STYX: variants seen among roughly 807,000 people sequenced by gnomAD.
STYX encodes the protein serine/threonine/tyrosine-interacting protein.
In STYX, 20 loss-of-function variants were observed where a neutral mutation model predicts 42.7. The ratio of observed to expected loss-of-function variants is 0.47; its 90% CI spans 0.33 to 0.68. STYX has a LOEUF of 0.68. Ranked by LOEUF, STYX falls within the 30% of genes least tolerant of loss-of-function variation. The pLI, the probability that STYX is intolerant of heterozygous loss-of-function variation, is 0.02. For missense variants in STYX, 226 were observed against 268.5 expected, an observed-to-expected ratio of 0.84 and a Z score of 1.11; for synonymous variants, 78 against 81.9, an observed-to-expected ratio of 0.95 and a Z score of 0.26.
At chr14:52,761,909 G>A (rs1240546238) in intron 9 of STYX, among the ~76,000 whole-genome samples, 1 of 151,456 alleles carries the variant, frequency 6.6e-6, no homozygotes, top group African/African-American at 2.4e-5. Flanking sequence ...GCCAGGCGTG[G>A]TGGCAGGTGC....
intron 8 of STYX, among the ~76,000 whole-genome samples, chr14:52,758,930 T>C (rs1288412176): frequency 6.6e-6 from 1 of 152,162 alleles, no homozygotes; most frequent in Non-Finnish European, 1.5e-5. Context: ...ACTTTATGTT[T>C]TATATATTGT....
At chr14:52,748,169 AAAT>A (rs1292017245) in intron 3 of STYX, among the ~76,000 whole-genome samples, 3 of 152,188 alleles carry the variant, frequency 2.0e-5, no homozygotes, top group African/African-American at 7.2e-5. Flanking sequence ...CAACAACAAA[AAAT>A]AATAATGGAG....
chr14:52,734,000 G>A (rs1023411182), intron 1 of STYX, among the ~76,000 whole-genome samples: 21 of 152,054 alleles, frequency 1.4e-4, no homozygotes, highest in Non-Finnish European at 7.4e-5. Flanking sequence ...TAAATGAAGA[G>A]GTGGCTTGCA....
At chr14:52,743,623 A>G (rs1881282072) in intron 1 of STYX, among the ~76,000 whole-genome samples, 1 of 152,182 alleles carries the variant, frequency 6.6e-6, no homozygotes, top group Non-Finnish European at 1.5e-5. Flanking sequence ...GACTTAGAGA[A>G]TCTGGGTGAA....
intron 1 of STYX, among the ~76,000 whole-genome samples, chr14:52,742,118 A>T (rs576061514): frequency 2.6e-5 from 4 of 152,294 alleles, no homozygotes; most frequent in African/African-American, 9.6e-5. Flanking sequence ...AAGTAACTGA[A>T]TTCTAACCCC....
At chr14:52,751,381 A>G (rs1881604373) in intron 4 of STYX, among the ~76,000 whole-genome samples, 1 of 152,180 alleles carries the variant, frequency 6.6e-6, no homozygotes. Flanking sequence ...TGTATAGCAT[A>G]TAGTGACTAT....
chr14:52,761,541 C>T (rs1487700337), intron 9 of STYX, among the ~76,000 whole-genome samples: 1 of 150,902 alleles, frequency 6.6e-6, no homozygotes, highest in Admixed American at 6.6e-5. Flanking sequence ...TTTCCTCCTA[C>T]CCTAATTAAC....
At position 52,771,328 on chromosome 14, in the gene STYX, C is replaced by T. The variant is rs143685968; in HGVS notation, c.*222C>T. ...ACTCCTTTTTTTAAAAACACATGCG[C>T]GCGCACACACACATGCTTTACAAGT... On this transcript the variant is annotated 3_prime_UTR_variant, in exon 11 of 11. Transcript: ENST00000354586. 6.9e-3 allele frequency: 2,934 copies of T among 426,500 alleles called. 19 individuals carry two copies. Among genetic ancestry groups the T allele is most frequent in the Non-Finnish European group, 0.01 (2,406 of 238,854 alleles). The allele number at this position is 426,500 out of a possible 1,614,324, so 26.4% of individuals were successfully genotyped here.
intron 1 of STYX, among the ~76,000 whole-genome samples, chr14:52,737,516 G>A (rs77949716): frequency 0.092 from 13,988 of 152,184 alleles, 709 homozygotes; most frequent in South Asian, 0.15. Flanking sequence ...GAACTGCTTG[G>A]CTACTCATAA....
At chr14:52,733,644 A>G (rs1465273239) in intron 1 of STYX, among the ~76,000 whole-genome samples, 2 of 152,148 alleles carry the variant, frequency 1.3e-5, no homozygotes, top group Non-Finnish European at 2.9e-5. Flanking sequence ...CGGGTTTATT[A>G]TAAAGGATAC....
At position 52,759,527 on chromosome 14, in the gene STYX, G is replaced by A. The variant is rs908897084; in HGVS notation, c.432-155G>A. On this transcript the variant is annotated intron_variant, in intron 8 of 10. Transcript: ENST00000354586. Reference sequence around the variant, plus strand: ...GCTTAGAGAAGTTGAGCAAGCTGCCGTAAGCATATAGCTGGTGAGAAAAGG... The same window carrying A: ...GCTTAGAGAAGTTGAGCAAGCTGCCATAAGCATATAGCTGGTGAGAAAAGG... Among the ~76,000 whole-genome samples, 16 of 152,152 alleles carry A rather than the reference G, an allele frequency of 1.1e-4. No individual in the cohort carries two copies. The South Asian group carries it at 2.1e-3, about 20-fold the overall frequency.
At chr14:52,736,906 A>AT (rs1452524275) in intron 1 of STYX, among the ~76,000 whole-genome samples, 16 of 152,268 alleles carry the variant, frequency 1.1e-4, no homozygotes, top group African/African-American at 3.9e-4. Flanking sequence ...CCTTTGATTT[A>AT]AGCAAAGCTC....
At chr14:52,736,555 T>C (rs1480603563) in intron 1 of STYX, among the ~76,000 whole-genome samples, 1 of 152,206 alleles carries the variant, frequency 6.6e-6, no homozygotes, top group Admixed American at 6.5e-5. Context: ...GTTTAGCAAC[T>C]TTCCATGTTT....
At chr14:52,767,366 C>T (rs922704647) in intron 9 of STYX, among the ~76,000 whole-genome samples, 1 of 152,150 alleles carries the variant, frequency 6.6e-6, no homozygotes, top group East Asian at 1.9e-4. Context: ...ACATTCAATC[C>T]CATAACTGCC....
chr14:52,768,837 T>A lies in STYX; in HGVS notation c.505-3T>A, dbSNP rs553567290. On this transcript the variant is annotated splice_region_variant and splice_polypyrimidine_tract_variant and intron_variant, in intron 9 of 10. Coordinates refer to ENST00000354586, the MANE Select transcript of STYX (RefSeq NM_145251.4). ...TAAGTTAATTAACTTATTTTTTTTT[T>A]AGGAATATGAAGCCATCTACCTAGC... is the stretch of plus-strand genomic sequence containing the variant. The A allele has an allele frequency of 1.3e-5, 20 of 1,557,862 alleles. No individual in the cohort carries two copies. The highest frequency in any genetic ancestry group is 6.3e-5 in the South Asian group (5 of 79,740).
At chr14:52,750,532 G>GT (rs1188134424) in intron 3 of STYX, 151 bp from the exon 4 acceptor site, 1 of 538,584 alleles carries the variant, frequency 1.9e-6, no homozygotes, top group East Asian at 3.5e-5. Context: ...CCCACTTCAG[G>GT]TATATTATAA....
At chr14:52,764,353 T>C (rs1476609566) in intron 9 of STYX, among the ~76,000 whole-genome samples, 1 of 152,176 alleles carries the variant, frequency 6.6e-6, no homozygotes, top group Non-Finnish European at 1.5e-5. Flanking sequence ...ACTCTTTCTG[T>C]TCGCTTGCTA....
chr14:52,756,874 A>G (rs940937649), intron 5 of STYX, among the ~76,000 whole-genome samples: 4 of 151,028 alleles, frequency 2.6e-5, no homozygotes, highest in Non-Finnish European at 5.9e-5. Flanking sequence ...TTTAGTAGAG[A>G]CGGGGTTTCT....
intron 4 of STYX, among the ~76,000 whole-genome samples, chr14:52,754,046 C>T (rs1017970440): frequency 3.3e-5 from 5 of 151,710 alleles, no homozygotes; most frequent in South Asian, 2.1e-4. Context: ...TGTGCCACCA[C>T]GCCTGGCTAA....
Sources: gnomAD v4.1 joint callset for allele counts (sites outside exome capture counted in the v4.1 genomes callset) on GRCh38, gnomAD v4.1.1 for gene constraint, MANE v1.5 for transcripts, NCBI Gene and HGNC (gene_info 2026-07-23, HGNC 2026-07-21) for gene names.